The following FGGY variants were observed in gnomAD, a reference collection of about 807,000 sequenced individuals.
FGGY encodes the protein FGGY carbohydrate kinase domain containing, also known as FGGY carbohydrate kinase domain-containing protein.
Under a neutral mutation model 71.3 loss-of-function variants are expected in FGGY, and 72 were observed. That is an observed-to-expected ratio of 1.01 (90% confidence interval 0.84 to 1.23). The LOEUF (loss-of-function observed/expected upper bound fraction) is 1.23. Ranked by LOEUF, FGGY falls within the 50% of genes most tolerant of loss-of-function variation. FGGY has a pLI of 0.00. For synonymous variants in FGGY, 251 were observed against 250.3 expected (o/e 1.00, Z -0.02); for missense variants, 668 against 682.3 (o/e 0.98, Z 0.23).
At chr1:59,539,962 T>A (rs1312110857) in intron 7 of FGGY, among the ~76,000 whole-genome samples, 1 of 152,228 alleles carries the variant, frequency 6.6e-6, no homozygotes, top group East Asian at 1.9e-4. Context: ...TATATACATT[T>A]GAGCAGCTTT....
intron 9 of FGGY, among the ~76,000 whole-genome samples, chr1:59,613,177 C>T (rs1025824456): frequency 1.3e-5 from 2 of 152,224 alleles, no homozygotes; most frequent in African/African-American, 4.8e-5. Context: ...CTCTCCACCC[C>T]AAATCAACAG....
intron 12 of FGGY, among the ~76,000 whole-genome samples, chr1:59,660,677 TA>T (rs1317615995): frequency 6.6e-6 from 1 of 152,268 alleles, no homozygotes; most frequent in South Asian, 2.1e-4. Flanking sequence ...GGATTCATGA[TA>T]GGGGTCCTTT....
intron 8 of FGGY, among the ~76,000 whole-genome samples, chr1:59,600,763 T>G (rs1005094745): frequency 7.9e-5 from 12 of 152,170 alleles, no homozygotes; most frequent in Admixed American, 2.0e-4. Context: ...AAACTGAGTC[T>G]CAGGTCAGCA....
intron 5 of FGGY, among the ~76,000 whole-genome samples, chr1:59,396,935 C>A (rs1317980035): frequency 6.6e-6 from 1 of 151,992 alleles, no homozygotes; most frequent in Non-Finnish European, 1.5e-5. Context: ...AAGGAATCCA[C>A]AGCATTCCAC....
At chr1:59,588,274 C>T (rs928470227) in intron 8 of FGGY, among the ~76,000 whole-genome samples, 4 of 151,982 alleles carry the variant, frequency 2.6e-5, no homozygotes, top group East Asian at 1.9e-4. Flanking sequence ...AACAAAGCCT[C>T]CAAGAAATAT....
At chr1:59,407,754 T>C (rs1253530284) in intron 5 of FGGY, among the ~76,000 whole-genome samples, 3 of 152,148 alleles carry the variant, frequency 2.0e-5, no homozygotes, top group Non-Finnish European at 4.4e-5. Context: ...GCACAGTCCT[T>C]ATTAAAAATG....
chr1:59,538,316 A>G (rs1435716295), intron 7 of FGGY, among the ~76,000 whole-genome samples: 11 of 150,622 alleles, frequency 7.3e-5, no homozygotes, highest in Non-Finnish European at 4.5e-5. Flanking sequence ...ACCAGTTAGA[A>G]TGGCAATCAT....
intron 4 of FGGY, among the ~76,000 whole-genome samples, chr1:59,368,655 G>A (rs752856000): frequency 1.3e-5 from 2 of 152,234 alleles, no homozygotes; most frequent in Non-Finnish European, 2.9e-5. Context: ...GCCTTTGGCT[G>A]GGATTGTATG....
intron 7 of FGGY, among the ~76,000 whole-genome samples, chr1:59,545,553 A>C (rs1377963121): frequency 6.6e-6 from 1 of 152,264 alleles, no homozygotes; most frequent in South Asian, 2.1e-4. Flanking sequence ...TCTGACATCA[A>C]GTTTTTGCTT....
chr1:59,353,751 T>G (rs1557646984), intron 4 of FGGY, among the ~76,000 whole-genome samples: 1 of 152,166 alleles, frequency 6.6e-6, no homozygotes, highest in Non-Finnish European at 1.5e-5. Flanking sequence ...TCAAAAAAGT[T>G]AAATAACTTA....
intron 7 of FGGY, among the ~76,000 whole-genome samples, chr1:59,520,536 C>T (rs1242014192): frequency 6.6e-6 from 1 of 152,180 alleles, no homozygotes; most frequent in Non-Finnish European, 1.5e-5. Context: ...CTGTGAAATA[C>T]TTTACAACTA....
At chr1:59,654,822 G>C (rs2097203339) in intron 11 of FGGY, among the ~76,000 whole-genome samples, 1 of 152,138 alleles carries the variant, frequency 6.6e-6, no homozygotes, top group Non-Finnish European at 1.5e-5. Flanking sequence ...AGTTGAGAGA[G>C]GTGCCGTAGT....
chr1:59,442,518 C>A (rs2070186280), intron 5 of FGGY, among the ~76,000 whole-genome samples: 1 of 152,092 alleles, frequency 6.6e-6, no homozygotes, highest in Non-Finnish European at 1.5e-5. Flanking sequence ...TTGAAAGGTA[C>A]GAAATCTTCA....
intron 8 of FGGY, among the ~76,000 whole-genome samples, chr1:59,603,851 T>A (rs1476682592): frequency 6.6e-6 from 1 of 152,192 alleles, no homozygotes; most frequent in Non-Finnish European, 1.5e-5. Flanking sequence ...TCAAAACAGA[T>A]GAAAGACTCA....
At chr1:59,520,810 G>A (rs1007818061) in intron 7 of FGGY, among the ~76,000 whole-genome samples, 1 of 152,128 alleles carries the variant, frequency 6.6e-6, no homozygotes, top group Non-Finnish European at 1.5e-5. Context: ...AATGTCACCT[G>A]GTACCCAGAG....
chr1:59,585,182 A>G (rs1571648481), intron 8 of FGGY, among the ~76,000 whole-genome samples: 1 of 152,200 alleles, frequency 6.6e-6, no homozygotes, highest in East Asian at 1.9e-4. Flanking sequence ...TAAAGCTCAT[A>G]TGGAATCAAA....
intron 6 of FGGY, among the ~76,000 whole-genome samples, chr1:59,509,811 G>A (rs1433160969): frequency 6.6e-6 from 1 of 152,128 alleles, no homozygotes; most frequent in Non-Finnish European, 1.5e-5. Flanking sequence ...TCCTTTACCA[G>A]CTAAGGTTTC....
At chr1:59,600,388 G>A (rs1422331382) in intron 8 of FGGY, among the ~76,000 whole-genome samples, 1 of 152,160 alleles carries the variant, frequency 6.6e-6, no homozygotes, top group East Asian at 1.9e-4. Context: ...CAGGTCAAAG[G>A]TTCCATGTGG....
intron 4 of FGGY, among the ~76,000 whole-genome samples, chr1:59,354,858 G>A (rs548956061): frequency 2.6e-5 from 4 of 152,350 alleles, no homozygotes; most frequent in South Asian, 2.1e-4. Context: ...CATAGCGAGT[G>A]TGGGCCTCTC....
Sources: gnomAD v4.1 joint callset for allele counts (sites outside exome capture counted in the v4.1 genomes callset) on GRCh38, gnomAD v4.1.1 for gene constraint, MANE v1.5 for transcripts, NCBI Gene and HGNC (gene_info 2026-07-23, HGNC 2026-07-21) for gene names.